The following NAV1 variants were observed in gnomAD, a reference collection of about 807,000 sequenced individuals.
NAV1 encodes the protein pore membrane and/or filament interacting like protein 3.
A neutral mutation model predicts 175.2 loss-of-function variants in NAV1; 18 were observed. The observed-to-expected ratio is 0.10, with a 90% CI of 0.07 to 0.15. NAV1 has a LOEUF of 0.15. Among genes scored for constraint, NAV1 ranks in the 10% least tolerant of loss-of-function variants. The probability of loss-of-function intolerance (pLI) is 1.00; values close to 1 mark genes in which losing one functional copy is unlikely to be tolerated. For synonymous variants in NAV1, 897 were observed against 978.7 expected (o/e 0.92, Z 1.56); for missense variants, 1,731 against 2,436.6 (o/e 0.71, Z 6.10).
At chr1:201,665,168 G>A (rs1569402) in intron 1 of NAV1, among the ~76,000 whole-genome samples, 3 of 150,048 alleles carry the variant, frequency 2.0e-5, no homozygotes, top group South Asian at 2.1e-4. Context: ...TGCTCCCCCC[G>A]CACCCTGCCC....
rs906090086 is a variant in NAV1 at position 201,740,445 on chromosome 1, TGGGGGCCCGGCCTGTGAGGGTC to T, written c.1226+21696_1226+21717del. The stretch of plus-strand genomic sequence containing the variant: ...CTTCGATGGTTGCGGCTGTGGCGCG[TGGGGGCCCGGCCTGTGAGGGTC>T]GGGGGTCCTGGGGACCAGGCGGGTG... On this transcript the variant is annotated intron_variant, in intron 3 of 29. Coordinates refer to ENST00000367296, the Ensembl canonical transcript of NAV1. The surrounding 1 kb of genome is among the most constrained non-coding windows in gnomAD (Gnocchi z 4.7). Among the ~76,000 whole-genome samples the T allele has an allele frequency of 6.6e-6, 1 of 151,764 alleles. No homozygotes were observed. Among genetic ancestry groups the T allele is most frequent in the Non-Finnish European group, 1.5e-5 (1 of 67,924 alleles).
chr1:201,622,537 C>T (rs1668203908), upstream of NAV1, among the ~76,000 whole-genome samples: 1 of 152,076 alleles, frequency 6.6e-6, no homozygotes, highest in Non-Finnish European at 1.5e-5. Flanking sequence ...GAGTCTGTCC[C>T]CAATCAGTGA....
At chr1:201,649,421 G>T in exon 1 of NAV1, 1 of 1,549,756 alleles carries the variant, frequency 6.5e-7, no homozygotes, top group Non-Finnish European at 8.7e-7. Context: ...TCAGCCAGAT[G>T]CTGGGTAAGT....
intron 3 of NAV1, among the ~76,000 whole-genome samples, chr1:201,735,113 C>T (rs1673056566): frequency 6.6e-6 from 1 of 152,166 alleles, no homozygotes; most frequent in Admixed American, 6.5e-5. Flanking sequence ...CTCCACTGTG[C>T]ATCTGCTGAC....
chr1:201,561,115 G>C (rs1053907303), intron 1 of NAV1, among the ~76,000 whole-genome samples: 1 of 152,212 alleles, frequency 6.6e-6, no homozygotes, highest in Non-Finnish European at 1.5e-5. Context: ...ACCACAGCTT[G>C]CCTCTGTGGT....
chr1:201,739,213 C>G (rs1197483886), intron 3 of NAV1: 1 of 152,218 alleles, frequency 6.6e-6, no homozygotes. Flanking sequence ...GCAAGCACAC[C>G]TCACCTAATC....
chr1:201,660,168 ACAGCAGGGAAGG>A (rs1174006557), intron 1 of NAV1, among the ~76,000 whole-genome samples: 3 of 152,190 alleles, frequency 2.0e-5, no homozygotes, highest in African/African-American at 4.8e-5. Context: ...GAGAGTCACA[ACAGCAGGGAAGG>A]CAGCAGAGCC....
At chr1:201,664,525 G>T (rs550609925) in intron 1 of NAV1, among the ~76,000 whole-genome samples, 1 of 152,342 alleles carries the variant, frequency 6.6e-6, no homozygotes, top group African/African-American at 2.4e-5. Context: ...ACAGTGCCTA[G>T]CAAATGAAAA....
exon 16 of NAV1, chr1:201,803,665 T>A: frequency 6.2e-7 from 1 of 1,613,574 alleles, no homozygotes; most frequent in Non-Finnish European, 8.5e-7. Context: ...CATTCCAGCA[T>A]CGGCAGCAGC....
chr1:201,741,744 A>T (rs1362415219), intron 3 of NAV1, among the ~76,000 whole-genome samples: 1 of 152,130 alleles, frequency 6.6e-6, no homozygotes, highest in Admixed American at 6.5e-5. Context: ...CCTACTCAAC[A>T]GCCTTTCTAG....
intron 2 of NAV1, among the ~76,000 whole-genome samples, chr1:201,642,557 T>TTCTTTCTTTCTTTCTTTC (rs1668819760): frequency 9.4e-6 from 1 of 106,018 alleles, no homozygotes; most frequent in African/African-American, 4.3e-5. Flanking sequence ...TTCTTTCTTT[T>TTCTTTCTTTCTTTCTTTC]TTCCCTTTCT....
chr1:201,591,464 G>A (rs947532076), intron 2 of NAV1, among the ~76,000 whole-genome samples: 2 of 152,180 alleles, frequency 1.3e-5, no homozygotes, highest in Non-Finnish European at 2.9e-5. Flanking sequence ...GTAGCCCCAG[G>A]TGCTCCCAGC....
intron 1 of NAV1, among the ~76,000 whole-genome samples, chr1:201,685,324 A>G (rs1670642992): frequency 6.6e-6 from 1 of 152,220 alleles, no homozygotes; most frequent in Non-Finnish European, 1.5e-5. Context: ...AGGCTGAGAA[A>G]CACTGTAGCA....
At chr1:201,671,987 C>T (rs911282755) in intron 1 of NAV1, among the ~76,000 whole-genome samples, 5 of 152,160 alleles carry the variant, frequency 3.3e-5, no homozygotes, top group African/African-American at 1.2e-4. Context: ...TCTCCCACTC[C>T]CACTCTATCA....
chr1:201,672,868 G>T (rs1243188889), intron 1 of NAV1, among the ~76,000 whole-genome samples: 1 of 152,230 alleles, frequency 6.6e-6, no homozygotes, highest in East Asian at 1.9e-4. Context: ...CCGCCCAACA[G>T]ACGCTCAAGC....
At chr1:201,753,723 T>C (rs77493693) in intron 3 of NAV1, among the ~76,000 whole-genome samples, 6,088 of 152,238 alleles carry the variant, frequency 0.04, 369 homozygotes, top group African/African-American at 0.13. Flanking sequence ...TCTGCATCCT[T>C]CTTGCAATTT....
rs569745496 is a variant in NAV1, at chr1:201,695,464, G to C, written c.758-17353G>C. Among the ~76,000 whole-genome samples the C allele has an allele frequency of 1.2e-3, 184 of 152,344 alleles. 1 individual carries two copies. Among genetic ancestry groups the C allele is most frequent in the African/African-American group, 4.3e-3 (177 of 41,578 alleles). On this transcript the variant is annotated intron_variant, in intron 1 of 29. Coordinates refer to ENST00000367296, the Ensembl canonical transcript of NAV1. ...GAACTCCAACACATTTGACCAGCCAGGGGGAAAAGGGGGTATGGGGAAGGC... is the reference window on the plus strand; with the variant it reads ...GAACTCCAACACATTTGACCAGCCACGGGGAAAAGGGGGTATGGGGAAGGC...
At chr1:201,577,280 G>A (rs1666717092) in intron 1 of NAV1, among the ~76,000 whole-genome samples, 1 of 152,162 alleles carries the variant, frequency 6.6e-6, no homozygotes, top group Admixed American at 6.5e-5. Flanking sequence ...TTTACAGAAT[G>A]AAACATTTTA....
exon 30 of NAV1, chr1:201,820,758 T>G (rs1398733942): frequency 6.6e-6 from 1 of 152,228 alleles, no homozygotes; most frequent in Non-Finnish European, 1.5e-5. Flanking sequence ...TTTTTATTTT[T>G]GGTTTTTATT....
Sources: gnomAD v4.1 joint callset for allele counts (sites outside exome capture counted in the v4.1 genomes callset) on GRCh38, gnomAD v4.1.1 for gene constraint, Gnocchi (gnomAD v3.1) non-coding constraint, MANE v1.5 for transcripts, NCBI Gene and HGNC (gene_info 2026-07-23, HGNC 2026-07-21) for gene names.